Variants in DENND4C observed in about 807,000 individuals in gnomAD.
DENND4C encodes DENN domain-containing protein 4C.
In DENND4C, 108 loss-of-function variants were observed where a neutral mutation model predicts 203.0. The observed-to-expected ratio is 0.53, with a 90% CI of 0.46 to 0.62. DENND4C has a LOEUF of 0.62. Among genes scored for constraint, DENND4C ranks in the 20% least tolerant of loss-of-function variants. The probability of loss-of-function intolerance (pLI) is 0.00; values close to 1 mark genes in which losing one functional copy is unlikely to be tolerated. For missense variants in DENND4C, 2,481 were observed against 2,301.2 expected (o/e 1.08, Z -1.60); for synonymous variants, 871 against 792.4 (o/e 1.10, Z -1.67).
chr9:19,273,164 G>C (rs1409693691), intron 1 of DENND4C, among the ~76,000 whole-genome samples: 1 of 151,648 alleles, frequency 6.6e-6, no homozygotes, highest in Non-Finnish European at 1.5e-5. Context: ...AGGTTAGCCA[G>C]ATGGTCTCAA....
chr9:19,363,524 T>G (rs983598715), intron 30 of DENND4C, among the ~76,000 whole-genome samples: 9 of 151,540 alleles, frequency 5.9e-5, no homozygotes, highest in African/African-American at 1.5e-4. Flanking sequence ...AAAAAAACAT[T>G]AGTGCCCCAC....
intron 1 of DENND4C, among the ~76,000 whole-genome samples, chr9:19,239,402 T>C (rs1823114337): frequency 6.6e-6 from 1 of 152,156 alleles, no homozygotes; most frequent in African/African-American, 2.4e-5. Context: ...TTTTATATAG[T>C]ATCTTTATGT....
chr9:19,308,760 A>T (rs762938091), intron 10 of DENND4C, among the ~76,000 whole-genome samples: 1 of 152,102 alleles, frequency 6.6e-6, no homozygotes, highest in African/African-American at 2.4e-5. Context: ...TATCATGGTT[A>T]TTTCTTAAGT....
At chr9:19,281,894 A>C (rs1834121315) in intron 2 of DENND4C, among the ~76,000 whole-genome samples, 1 of 152,228 alleles carries the variant, frequency 6.6e-6, no homozygotes, top group African/African-American at 2.4e-5. Context: ...ATCTAAACAT[A>C]GAAAAGGTAC....
At chr9:19,341,799 C>G (rs1484619348) in intron 21 of DENND4C, among the ~76,000 whole-genome samples, 1 of 152,144 alleles carries the variant, frequency 6.6e-6, no homozygotes, top group East Asian at 1.9e-4. Flanking sequence ...CTTCAAATAT[C>G]TAGGTGCATA....
chr9:19,349,468 G>A (rs1823613279), intron 23 of DENND4C, among the ~76,000 whole-genome samples: 1 of 152,142 alleles, frequency 6.6e-6, no homozygotes, highest in Non-Finnish European at 1.5e-5. Flanking sequence ...TGTGGACTTG[G>A]AATATGTGAC....
Position 19,342,718 on chromosome 9 carries a change from C to T in DENND4C, c.3090C>T (p.Gly1030=). The change falls in exon 22 of 33, where the codon GGC becomes GGT. Residue 1030 remains glycine, a synonymous_variant. Coordinates refer to ENST00000434457, the MANE Select transcript of DENND4C (RefSeq NM_001330640.2). ...PHSPTEPPAW[G]SSIVKVPSGI... ...GTCCTACTGAACCTCCTGCATGGGG[C>T]AGCAGTATTGTGAAAGTTCCGTCTG... 1 of 1,613,004 alleles carries T rather than the reference C, an allele frequency of 6.2e-7. No individual in the cohort carries two copies. Among genetic ancestry groups the T allele is most frequent in the Non-Finnish European group, 8.5e-7 (1 of 1,179,504 alleles).
chr9:19,265,347 C>T (rs1295024804), intron 1 of DENND4C, among the ~76,000 whole-genome samples: 1 of 152,152 alleles, frequency 6.6e-6, no homozygotes, highest in Non-Finnish European at 1.5e-5. Flanking sequence ...TGAATCTCTT[C>T]ATTGACCCAG....
intron 11 of DENND4C, 48 bp downstream of exon 11, chr9:19,316,565 A>C (rs1239144233): frequency 1.5e-5 from 24 of 1,602,962 alleles, no homozygotes; most frequent in Non-Finnish European, 2.0e-5. Context: ...TGTATACGAG[A>C]AAATTCTTCT....
At chr9:19,370,143 C>G (rs1828524373) in intron 31 of DENND4C, 156 bp downstream of exon 31, 1 of 899,782 alleles carries the variant, frequency 1.1e-6, no homozygotes, top group Admixed American at 2.3e-5. Flanking sequence ...TACATTCCTA[C>G]TTGAACACAA....
chr9:19,276,735 T>C (rs1223122003), intron 2 of DENND4C: 4 of 269,638 alleles, frequency 1.5e-5, no homozygotes, highest in Non-Finnish European at 2.7e-5. Context: ...CATTTGACCC[T>C]AAAGTGTCAT....
rs940274346 is a variant in DENND4C at position 19,318,276 on chromosome 9, G to T, written c.1807+1437G>T. ...GGAGGTTGCAGAGAGCCAAGATCAT[G>T]CCACTGCACTCCAGCCTGGGCGACA... On this transcript the variant is annotated intron_variant, in intron 12 of 32. Transcript: ENST00000434457. Among the ~76,000 whole-genome samples, 30 of 152,182 alleles carry T rather than the reference G, an allele frequency of 2.0e-4. 1 individual carries two copies. Among genetic ancestry groups the T allele is most frequent in the Admixed American group, 1.8e-3 (27 of 15,278 alleles).
chr9:19,346,723 T>C lies in DENND4C; in HGVS notation c.3954T>C (p.Phe1318=). The change falls in exon 23 of 33, where the codon TTT becomes TTC. Residue 1318 remains phenylalanine (F), a synonymous_variant. Transcript: ENST00000434457. ...ENRESGMTTA[F]IHALERRSSL... is the part of the protein sequence containing the mutation. ...GAGAGTCTGGCATGACTACTGCATT[T>C]ATTCATGCTCTAGAGAGGAGATCAA... The C allele has an allele frequency of 6.2e-7, 1 of 1,614,196 alleles. No homozygotes were observed. Among genetic ancestry groups the C allele is most frequent in the Non-Finnish European group, 8.5e-7 (1 of 1,180,024 alleles).
At chr9:19,255,105 C>T (rs898276250) in intron 1 of DENND4C, among the ~76,000 whole-genome samples, 3 of 152,116 alleles carry the variant, frequency 2.0e-5, no homozygotes, top group Middle Eastern at 3.4e-3. Flanking sequence ...AAGATTGTGC[C>T]GTTGCACTCC....
upstream of DENND4C, chr9:19,230,620 C>G (rs967657929): frequency 6.6e-6 from 1 of 152,144 alleles, no homozygotes; most frequent in African/African-American, 2.4e-5. Context: ...CCGCGCGGGC[C>G]AGCGCTCCGG....
chr9:19,309,313 C>T (rs7048603), intron 10 of DENND4C, among the ~76,000 whole-genome samples: 126,165 of 151,732 alleles, frequency 0.83, 52,642 homozygotes, highest in East Asian at 0.99. Context: ...TCCCAGCTAT[C>T]CGGGAGGCTG....
rs776777956 is a variant in DENND4C at position 19,316,745 on chromosome 9, G to T, written c.1713G>T (p.Ala571=). ...EIQEAFLRFM[A]SILKGYRTYL... is the part of the protein sequence containing the mutation. ...AAGAGGCATTTTTGCGCTTTATGGC[G>T]TCTATTTTAAAAGGATATAGAACAT... The change falls in exon 12 of 33, where the codon GCG becomes GCT. Residue 571 remains alanine (A), a synonymous_variant. Transcript: ENST00000434457. The T allele has an allele frequency of 2.5e-6, 4 of 1,614,014 alleles. No homozygotes were observed. Among genetic ancestry groups the T allele is most frequent in the South Asian group, 1.1e-5 (1 of 91,082 alleles).
chr9:19,340,183 A>T (rs1307932382), intron 20 of DENND4C, among the ~76,000 whole-genome samples: 1 of 145,476 alleles, frequency 6.9e-6, no homozygotes, highest in African/African-American at 2.4e-5. Context: ...ACATAGTGTT[A>T]CTGCTTCTAA....
rs911874796 is a variant in DENND4C, at chr9:19,347,796, A to G, written c.4317+710A>G. Among the ~76,000 whole-genome samples the G allele has an allele frequency of 2.0e-5, 3 of 152,226 alleles. No individual in the cohort carries two copies. The East Asian group carries it at 5.8e-4, about 29-fold the overall frequency. On this transcript the variant is annotated intron_variant, in intron 23 of 32. Coordinates refer to ENST00000434457, the MANE Select transcript of DENND4C (RefSeq NM_001330640.2). The stretch of plus-strand genomic sequence containing the variant: ...AAATGCCATGTTATATTTGTGTAGC[A>G]TTCACTTTTAAAATAATTTTTACCT...
Sources: gnomAD v4.1 joint callset for allele counts (sites outside exome capture counted in the v4.1 genomes callset) on GRCh38, gnomAD v4.1.1 for gene constraint, MANE v1.5 for transcripts, NCBI Gene and HGNC (gene_info 2026-07-23, HGNC 2026-07-21) for gene names.